Variants in SBK1 observed in about 807,000 individuals in gnomAD.
SBK1 encodes SH3 domain binding kinase 1, also known as serine/threonine-protein kinase SBK1.
A neutral mutation model predicts 24.4 loss-of-function variants in SBK1; 11 were observed. The ratio of observed to expected loss-of-function variants is 0.45; its 90% CI spans 0.28 to 0.75. The LOEUF is 0.75. SBK1 is among the 30% of genes least tolerant of loss of function. SBK1 has a pLI of 0.12. For synonymous variants in SBK1, 308 were observed against 284.4 expected (o/e 1.08, Z -0.83); for missense variants, 467 against 620.5 (o/e 0.75, Z 2.63).
chr16:28,306,709 C>T (rs1035104846), intron 1 of SBK1, among the ~76,000 whole-genome samples: 1 of 152,216 alleles, frequency 6.6e-6, no homozygotes, highest in Non-Finnish European at 1.5e-5. Flanking sequence ...CAGCAAGAAA[C>T]CGAAGAGCTC....
At chr16:28,290,455 T>C (rs993355123), upstream of SBK1, 2 of 152,134 alleles carry the variant, frequency 1.3e-5, no homozygotes, top group Non-Finnish European at 2.9e-5. Flanking sequence ...GCCAACATGA[T>C]GAAACCCCGT....
chr16:28,316,028 G>A (rs1257936399), intron 1 of SBK1, among the ~76,000 whole-genome samples: 1 of 152,144 alleles, frequency 6.6e-6, no homozygotes, highest in Non-Finnish European at 1.5e-5. Context: ...GCCTCCCAAA[G>A]TGCTGGGATT....
rs753687905 is a variant in SBK1 at position 28,317,825 on chromosome 16, C to T, written c.226+208C>T. On this transcript the variant is annotated intron_variant, in intron 2 of 3. Transcript: ENST00000341901. The surrounding 1 kb of genome is among the most constrained non-coding windows in gnomAD (Gnocchi z 4.2). ...GGGCAGATGGGGCAAGGGAGGAATC[C>T]GGGGCAGAGTGGCCAGGGTACAGGA... Among the ~76,000 whole-genome samples, 46 of 152,056 alleles carry T rather than the reference C, an allele frequency of 3.0e-4. No individual in the cohort carries two copies. Among genetic ancestry groups the T allele is most frequent in the Non-Finnish European group, 4.7e-4 (32 of 67,962 alleles).
chr16:28,269,506 T>C (rs1014425082), intron 1 of SBK1, among the ~76,000 whole-genome samples: 3 of 152,080 alleles, frequency 2.0e-5, no homozygotes, highest in African/African-American at 7.2e-5. Context: ...AAAAAATGTT[T>C]CCACTATTTC....
chr16:28,267,766 G>A (rs1043380015), intron 1 of SBK1, among the ~76,000 whole-genome samples: 1 of 152,192 alleles, frequency 6.6e-6, no homozygotes, highest in African/African-American at 2.4e-5. Flanking sequence ...GAAAGGTGCT[G>A]GCATTAATAG....
chr16:28,279,090 C>T (rs2044512833), intron 1 of SBK1, among the ~76,000 whole-genome samples: 2 of 151,874 alleles, frequency 1.3e-5, no homozygotes, highest in South Asian at 4.1e-4. Flanking sequence ...ACCTGTAATC[C>T]CAGCTATGCG....
At position 28,276,507 on chromosome 16, in the gene SBK1, AGC is replaced by A. The variant is rs572565791; in HGVS notation, c.257+17008_257+17009del. Among the ~76,000 whole-genome samples the A allele has an allele frequency of 3.0e-3, 452 of 152,258 alleles. 1 individual carries two copies. Among genetic ancestry groups the A allele is most frequent in the African/African-American group, 0.01 (434 of 41,552 alleles). On this transcript the variant is annotated intron_variant, in intron 1 of 3. Coordinates refer to the SBK1 transcript ENST00000671413. ...GCAGGCAGAGAGCGGATGCCTGGCT[AGC>A]GCTGTGCCAGGTTGGTCCTATAGCA...
chr16:28,313,288 C>G (rs2044766799), intron 1 of SBK1, among the ~76,000 whole-genome samples: 1 of 151,806 alleles, frequency 6.6e-6, no homozygotes, highest in African/African-American at 2.4e-5. Flanking sequence ...GAGCGAGACC[C>G]TGTTTAAAAA....
At chr16:28,312,643 T>A (rs918082633) in intron 1 of SBK1, among the ~76,000 whole-genome samples, 1 of 152,100 alleles carries the variant, frequency 6.6e-6, no homozygotes, top group Non-Finnish European at 1.5e-5. Flanking sequence ...CCAGGGCACA[T>A]GTTTAGGTGG....
At chr16:28,307,284 A>T (rs1018484711) in intron 1 of SBK1, among the ~76,000 whole-genome samples, 1 of 152,224 alleles carries the variant, frequency 6.6e-6, no homozygotes, top group Non-Finnish European at 1.5e-5. Context: ...ATTAACCCCA[A>T]TACACAGATG....
intron 1 of SBK1, among the ~76,000 whole-genome samples, chr16:28,310,772 C>T (rs1373817758): frequency 2.0e-5 from 3 of 152,012 alleles, no homozygotes; most frequent in African/African-American, 7.3e-5. Context: ...GGTGGTAAGT[C>T]CTGTGTGAAT....
intron 1 of SBK1, among the ~76,000 whole-genome samples, chr16:28,265,145 G>A (rs192471277): frequency 3.4e-4 from 52 of 151,984 alleles, no homozygotes; most frequent in Admixed American, 2.6e-3. Context: ...GGACTTGTGC[G>A]ATGGCTCACA....
chr16:28,299,561 G>A (rs2044664707), intron 1 of SBK1, among the ~76,000 whole-genome samples: 1 of 152,128 alleles, frequency 6.6e-6, no homozygotes, highest in African/African-American at 2.4e-5. Context: ...CCATGGCAGT[G>A]AGAACTGTGT....
Position 28,320,537 on chromosome 16 carries a change from C to T in SBK1, c.891C>T (p.Ala297=), listed in dbSNP as rs771714544. Reference sequence around the variant, plus strand: ...TGCGCATGTTCCAGCGCTTACTGGCCCTGGAGCCCGAGCGCCGCGGCCCAG... The same window carrying T: ...TGCGCATGTTCCAGCGCTTACTGGCTCTGGAGCCCGAGCGCCGCGGCCCAG... ...PALRMFQRLL[A]LEPERRGPAK... is the part of the protein sequence containing the mutation. Residue 297 remains alanine, a synonymous_variant, in exon 4 of 4, where the codon GCC becomes GCT. Transcript: ENST00000341901. The surrounding 1 kb of genome is among the most constrained non-coding windows in gnomAD (Gnocchi z 8.5). The T allele has an allele frequency of 8.3e-6, 13 of 1,561,520 alleles. No homozygotes were observed. The East Asian group carries it at 2.6e-4, about 32-fold the overall frequency.
chr16:28,260,027 A>G (rs2141949134), intron 1 of SBK1, among the ~76,000 whole-genome samples: 1 of 152,190 alleles, frequency 6.6e-6, no homozygotes, highest in East Asian at 1.9e-4. Context: ...AGTGGCACCT[A>G]ACAGATGTTC....
rs756202479 is a variant in SBK1, at chr16:28,320,840, G to A, written c.1194G>A (p.Gly398=). The change falls in exon 4 of 4, where the codon GGG becomes GGA. Residue 398 remains glycine, a synonymous_variant. Coordinates refer to ENST00000341901, the MANE Select transcript of SBK1 (RefSeq NM_001024401.3). The surrounding 1 kb of genome is among the most constrained non-coding windows in gnomAD (Gnocchi z 8.5). The part of the protein sequence containing the change: ...PVPEPGLAPQ[G]PPGRTDGRAD... ...CCGAGCCCGGCCTAGCTCCCCAGGG[G>A]CCCCCCGGCCGGACCGACGGCCGCG... The A allele has an allele frequency of 6.8e-7, 1 of 1,467,342 alleles. No homozygotes were observed. The highest frequency in any genetic ancestry group is 2.2e-5 in the Admixed American group (1 of 46,340). The allele number at this position is 1,467,342 out of a possible 1,614,324, so 90.9% of individuals were successfully genotyped here. A position where few individuals can be genotyped will look rare whatever the true frequency, so the allele number is the denominator to read the frequency against.
chr16:28,308,980 A>G (rs1214019362), intron 1 of SBK1, among the ~76,000 whole-genome samples: 3 of 151,866 alleles, frequency 2.0e-5, no homozygotes, highest in African/African-American at 7.3e-5. Context: ...TTGCTGCATA[A>G]CCCTTGAATT....
intron 1 of SBK1, chr16:28,285,281 C>G (rs546908276): frequency 6.6e-6 from 1 of 152,314 alleles, no homozygotes; most frequent in East Asian, 1.9e-4. Flanking sequence ...TAGGGCCGGG[C>G]TTGGTAGCTC....
At chr16:28,263,193 C>A (rs1190721262) in intron 1 of SBK1, among the ~76,000 whole-genome samples, 1 of 152,214 alleles carries the variant, frequency 6.6e-6, no homozygotes, top group East Asian at 1.9e-4. Flanking sequence ...ATTCACTCAA[C>A]AAATTTCGTT....
Sources: gnomAD v4.1 joint callset for allele counts (sites outside exome capture counted in the v4.1 genomes callset) on GRCh38, gnomAD v4.1.1 for gene constraint, Gnocchi (gnomAD v3.1) non-coding constraint, MANE v1.5 for transcripts, NCBI Gene and HGNC (gene_info 2026-07-23, HGNC 2026-07-21) for gene names.